EPHB6: variants seen among roughly 807,000 people sequenced by gnomAD.
EPHB6 encodes the protein ephrin type-B receptor 6.
EPHB6 carries 51 observed loss-of-function variants against 107.0 expected under a neutral mutation model. The observed-to-expected ratio is 0.48, with a 90% CI of 0.38 to 0.60. The LOEUF (loss-of-function observed/expected upper bound fraction) is 0.60, where lower values mean the gene tolerates loss of function less well. Among genes scored for constraint, EPHB6 ranks in the 20% least tolerant of loss-of-function variants. The pLI is 0.00. For synonymous variants in EPHB6, 553 were observed against 549.0 expected (o/e 1.01, Z -0.10); for missense variants, 1,141 against 1,355.5 (o/e 0.84, Z 2.48).
At position 142,865,562 on chromosome 7, in the gene EPHB6, C is replaced by G. The variant is rs1382986502; in HGVS notation, c.1037C>G (p.Ala346Gly). Reference sequence around the variant, plus strand: ...CGCAGTCACGCTCCCAACCCAGCAGCCCCCGTTTGCCCCTGCCTGGAGGGC... The same window carrying G: ...CGCAGTCACGCTCCCAACCCAGCAGGCCCCGTTTGCCCCTGCCTGGAGGGC... ...PARSHAPNPA[A>G]PVCPCLEGFY... The change falls in exon 8 of 20, where the codon GCC (alanine) becomes GGC (glycine). Residue 346 changes from alanine (A) to glycine (G), a missense_variant. By Grantham distance (60) the Ala-to-Gly change is moderately conservative (BLOSUM62 0). Transcript: ENST00000652003. 5 of 1,613,614 alleles carry G rather than the reference C, an allele frequency of 3.1e-6. No homozygotes were observed. The highest frequency in any genetic ancestry group is 4.2e-6 in the Non-Finnish European group (5 of 1,179,990).
Position 142,869,295 on chromosome 7 carries a change from G to A in EPHB6, c.2460+148G>A. 1 of 928,528 alleles carries A rather than the reference G, an allele frequency of 1.1e-6. No individual in the cohort carries two copies. Among genetic ancestry groups the A allele is most frequent in the Non-Finnish European group, 1.6e-6 (1 of 620,344 alleles). The allele number at this position is 928,528 out of a possible 1,614,324, so 57.5% of individuals were successfully genotyped here. A position where few individuals can be genotyped will look rare whatever the true frequency, so the allele number is the denominator to read the frequency against. ...GGAGGGAGGCTCTCCTGTGTGATGGGGAGATGAAAGCCTAGGCGACGGGGT... is the reference window on the plus strand; with the variant it reads ...GGAGGGAGGCTCTCCTGTGTGATGGAGAGATGAAAGCCTAGGCGACGGGGT... On this transcript the variant is annotated intron_variant, in intron 16 of 19. Transcript: ENST00000652003. The surrounding 1 kb of genome is among the most constrained non-coding windows in gnomAD (Gnocchi z 4.5).
At chr7:142,859,952 T>C (rs912781174) in intron 1 of EPHB6, among the ~76,000 whole-genome samples, 1 of 152,224 alleles carries the variant, frequency 6.6e-6, no homozygotes, top group African/African-American at 2.4e-5. Context: ...TTACGAGGCA[T>C]GCTAAGGCTA....
At chr7:142,858,652 T>C (rs1394197009) in intron 1 of EPHB6, among the ~76,000 whole-genome samples, 1 of 150,780 alleles carries the variant, frequency 6.6e-6, no homozygotes, top group African/African-American at 2.4e-5. Flanking sequence ...TTCACCGTGT[T>C]AGCCAGGACG....
chr7:142,863,435 A>C (rs1055317902), intron 5 of EPHB6, 108 bp downstream of exon 5: 1 of 1,250,952 alleles, frequency 8.0e-7, no homozygotes, highest in Admixed American at 1.7e-5. Flanking sequence ...ACATCAATAA[A>C]GGGAAAGGCA....
Position 142,868,133 on chromosome 7 carries a change from T to A in EPHB6, c.1918+84T>A, listed in dbSNP as rs774039194. ...AGGCAAGGCTGGATCCCCCCAAGATTGGGGGAGCTCCTTGGCACAACCTTC... is the reference window on the plus strand; with the variant it reads ...AGGCAAGGCTGGATCCCCCCAAGATAGGGGGAGCTCCTTGGCACAACCTTC... On this transcript the variant is annotated intron_variant, in intron 13 of 19. Coordinates refer to ENST00000652003, the MANE Select transcript of EPHB6 (RefSeq NM_004445.6). This position sits in a 1 kb window ranked among gnomAD's most constrained non-coding sequence, Gnocchi z 4.2. 11 of 1,613,066 alleles carry A rather than the reference T, an allele frequency of 6.8e-6. No homozygotes were observed. The highest frequency in any genetic ancestry group is 9.3e-6 in the Non-Finnish European group (11 of 1,179,346).
intron 7 of EPHB6, 32 bp from the exon 8 acceptor site, chr7:142,865,443 T>G: frequency 1.9e-6 from 3 of 1,611,644 alleles, no homozygotes; most frequent in Non-Finnish European, 2.5e-6. Flanking sequence ...ACAGAGCGAG[T>G]GTGACGCCCC....
At chr7:142,860,557 C>G (rs8177124) in intron 1 of EPHB6, among the ~76,000 whole-genome samples, 1,646 of 152,296 alleles carry the variant, frequency 0.011, 37 homozygotes, top group African/African-American at 0.037. Flanking sequence ...CGTTCCTCTC[C>G]AAAGCATTTA....
chr7:142,868,092 G>C lies in EPHB6; in HGVS notation c.1918+43G>C. ...AAATGGGTGGGGCTGGGGAACACAT[G>C]GGTGGGGCACATGGCAGGCAAGGCT... On this transcript the variant is annotated intron_variant, in intron 13 of 19. Coordinates refer to ENST00000652003, the MANE Select transcript of EPHB6 (RefSeq NM_004445.6). This position sits in a 1 kb window ranked among gnomAD's most constrained non-coding sequence, Gnocchi z 4.2. The C allele has an allele frequency of 6.2e-7, 1 of 1,613,364 alleles. No individual in the cohort carries two copies. Among genetic ancestry groups the C allele is most frequent in the Non-Finnish European group, 8.5e-7 (1 of 1,179,608 alleles).
In EPHB6 at chr7:142,868,704, T is replaced by G. The variant is rs771079288; in HGVS notation, c.2251T>G (p.Phe751Val). The change falls in exon 15 of 20, where the codon TTC (phenylalanine) becomes GTC (valine). Residue 751 changes from phenylalanine to valine, a missense_variant. Around this residue, in one of 3 missense-constraint regions of EPHB6, gnomAD observed 616 missense variants for 759.3 expected, o/e 0.81. Coordinates refer to ENST00000652003, the MANE Select transcript of EPHB6 (RefSeq NM_004445.6). The surrounding 1 kb of genome is among the most constrained non-coding windows in gnomAD (Gnocchi z 4.2). ...KSRPLMVLTE[F>V]MELGPLDSFL... ...CCGACCCCTCATGGTGCTGACGGAGTTCATGGAGCTTGGCCCCCTGGACAG... is the reference window on the plus strand; with the variant it reads ...CCGACCCCTCATGGTGCTGACGGAGGTCATGGAGCTTGGCCCCCTGGACAG... The G allele has an allele frequency of 1.9e-6, 3 of 1,613,672 alleles. No individual in the cohort carries two copies. The South Asian group carries it at 3.3e-5, about 18-fold the overall frequency.
In EPHB6 at chr7:142,867,502, C is replaced by T. The variant is rs190391327; in HGVS notation, c.1751-106C>T. ...ATGGATGTGGGAGGTTTGGGGCATG[C>T]GCGTGCATGTTGTGTGTGCCTGTGG... On this transcript the variant is annotated intron_variant, in intron 11 of 19. Coordinates refer to ENST00000652003, the MANE Select transcript of EPHB6 (RefSeq NM_004445.6). The surrounding 1 kb of genome is among the most constrained non-coding windows in gnomAD (Gnocchi z 5.3). 1,202 of 920,442 alleles carry T rather than the reference C, an allele frequency of 1.3e-3. 7 individuals carry two copies. Among genetic ancestry groups the T allele is most frequent in the African/African-American group, 0.012 (744 of 61,384 alleles). 57.0% of individuals were successfully genotyped at this position (920,442 alleles called of 1,614,324 possible).
At position 142,868,176 on chromosome 7, in the gene EPHB6, GT is replaced by G; in HGVS notation, c.1919-64del. 1 of 1,614,094 alleles carries G rather than the reference GT, an allele frequency of 6.2e-7. No individual in the cohort carries two copies. Among genetic ancestry groups the G allele is most frequent in the South Asian group, 1.1e-5 (1 of 91,088 alleles). ...CAACCTTCTGGAGGTAAGTGGGCAT[GT>G]CTGGGGTGCGCGGGCAGCCCTGCCT... is the stretch of plus-strand genomic sequence containing the variant. On this transcript the variant is annotated intron_variant, in intron 13 of 19. Coordinates refer to ENST00000652003, the MANE Select transcript of EPHB6 (RefSeq NM_004445.6). The surrounding 1 kb of genome is among the most constrained non-coding windows in gnomAD (Gnocchi z 4.2).
chr7:142,866,060 G>T lies in EPHB6; in HGVS notation c.1206G>T (p.Leu402=), dbSNP rs777874603. 6.2e-7 allele frequency: 1 copy of T among 1,611,758 alleles called. No individual in the cohort carries two copies. ...LPRELGGRGD[L]LFNVVCKECE... is the part of the protein sequence containing the mutation. The stretch of plus-strand genomic sequence containing the variant: ...GGGAGCTGGGGGGTCGAGGGGACCT[G>T]CTCTTCAATGTCGTGTGCAAGGAGT... The change falls in exon 9 of 20, where the codon CTG becomes CTT. Residue 402 remains leucine, a synonymous_variant. Coordinates refer to ENST00000652003, the MANE Select transcript of EPHB6 (RefSeq NM_004445.6). This position sits in a 1 kb window ranked among gnomAD's most constrained non-coding sequence, Gnocchi z 5.2.
At position 142,868,601 on chromosome 7, in the gene EPHB6, C is replaced by T. The variant is rs150891221; in HGVS notation, c.2148C>T (p.Thr716=). The change falls in exon 15 of 20, where the codon ACC becomes ACT. Residue 716 remains threonine, a synonymous_variant. Transcript: ENST00000652003. This position sits in a 1 kb window ranked among gnomAD's most constrained non-coding sequence, Gnocchi z 4.2. ...WAGGAESLQM[T]FLGRAAVLGQ... is the part of the protein sequence containing the mutation. ...GGGGCGCCGAAAGCCTGCAGATGAC[C>T]TTCCTGGGCCGGGCCGCAGTGCTGG... 6.2e-7 allele frequency: 1 copy of T among 1,613,680 alleles called. No individual in the cohort carries two copies. Among genetic ancestry groups the T allele is most frequent in the Non-Finnish European group, 8.5e-7 (1 of 1,179,978 alleles).
chr7:142,870,165 C>A, intron 17 of EPHB6, 49 bp from the exon 18 acceptor site: 1 of 1,611,492 alleles, frequency 6.2e-7, no homozygotes, highest in Non-Finnish European at 8.5e-7. Flanking sequence ...AAAGTACTCC[C>A]CTCTACTAAC....
chr7:142,865,789 C>A (rs8177147), intron 8 of EPHB6, among the ~76,000 whole-genome samples, 159 bp downstream of exon 8: 3 of 151,350 alleles, frequency 2.0e-5, no homozygotes, highest in Admixed American at 1.3e-4. Flanking sequence ...CCTTCTCTCC[C>A]TGACCCATCC....
chr7:142,867,091 ATGGGCAGG>A lies in EPHB6; in HGVS notation c.1750+26_1750+33del. 1 of 1,609,172 alleles carries A rather than the reference ATGGGCAGG, an allele frequency of 6.2e-7. No individual in the cohort carries two copies. Among genetic ancestry groups the A allele is most frequent in the Non-Finnish European group, 8.5e-7 (1 of 1,178,968 alleles). On this transcript the variant is annotated intron_variant, in intron 11 of 19. Transcript: ENST00000652003. This position sits in a 1 kb window ranked among gnomAD's most constrained non-coding sequence, Gnocchi z 5.3. ...AAGGTGAGCGGGGGTCAAGGGCCAG[ATGGGCAGG>A]TGAAGGCCCAAGTGGGTAGTGAGGA... is the stretch of plus-strand genomic sequence containing the variant.
chr7:142,869,772 CTA>C lies in EPHB6; in HGVS notation c.2461-43_2461-42del, dbSNP rs1243471224. The C allele has an allele frequency of 6.2e-7, 1 of 1,610,736 alleles. No homozygotes were observed. Among genetic ancestry groups the C allele is most frequent in the African/African-American group, 1.3e-5 (1 of 74,896 alleles). ...CATAGTAGTTGCTCAATAAACGTGA[CTA>C]TTACTATGATTATTACTATTTGCTT... On this transcript the variant is annotated intron_variant, in intron 16 of 19. Coordinates refer to ENST00000652003, the MANE Select transcript of EPHB6 (RefSeq NM_004445.6). The surrounding 1 kb of genome is among the most constrained non-coding windows in gnomAD (Gnocchi z 4.5).
rs1802862465 is a variant in EPHB6 at position 142,862,018 on chromosome 7, C to A, written c.-295C>A. 1 of 152,240 alleles carries A rather than the reference C, an allele frequency of 6.6e-6. No homozygotes were observed. Among genetic ancestry groups the A allele is most frequent in the African/African-American group, 2.4e-5 (1 of 41,456 alleles). The allele number at this position is 152,240 out of a possible 1,614,324, so 9.4% of individuals were successfully genotyped here. The stretch of plus-strand genomic sequence containing the variant: ...ACAATAGAAATATCTTTCTCACAGT[C>A]TAGATGCTGGGAAGTCCAAGATCAG... On this transcript the variant is annotated splice_region_variant and 5_prime_UTR_variant, in exon 3 of 20. Coordinates refer to ENST00000652003, the MANE Select transcript of EPHB6 (RefSeq NM_004445.6).
chr7:142,863,070 T>A (rs1802920881), intron 4 of EPHB6, 57 bp from the exon 5 acceptor site: 1 of 639,366 alleles, frequency 1.6e-6, no homozygotes, highest in Non-Finnish European at 2.8e-6. Context: ...GCTTGGGCTG[T>A]ATATGAAGAA....
Sources: allele counts gnomAD v4.1 joint callset (sites outside exome capture counted in the v4.1 genomes callset), GRCh38; gene constraint gnomAD v4.1.1; regional missense constraint gnomAD v4.1.1; non-coding constraint Gnocchi (gnomAD v3.1); transcripts MANE v1.5; gene names NCBI Gene and HGNC (gene_info 2026-07-23, HGNC 2026-07-21).